Variants in C8orf34 observed in about 807,000 individuals in gnomAD.
C8orf34 encodes the protein uncharacterized protein C8orf34.
Under a neutral mutation model 68.3 loss-of-function variants are expected in C8orf34, and 65 were observed. That is an observed-to-expected ratio of 0.95 (90% confidence interval 0.78 to 1.17). The LOEUF (loss-of-function observed/expected upper bound fraction) is 1.17. Ranked by LOEUF, C8orf34 falls within the 50% of genes most tolerant of loss-of-function variation. C8orf34 has a pLI of 0.00. For synonymous variants in C8orf34, 244 were observed against 241.2 expected (o/e 1.01, Z -0.11); for missense variants, 664 against 655.4 (o/e 1.01, Z -0.14).
chr8:68,647,741 G>T (rs1001048984), intron 8 of C8orf34, among the ~76,000 whole-genome samples: 2 of 152,124 alleles, frequency 1.3e-5, no homozygotes, highest in Non-Finnish European at 2.9e-5. Flanking sequence ...AAGAAATAAA[G>T]AAAAATAGAA....
intron 7 of C8orf34, among the ~76,000 whole-genome samples, chr8:68,601,522 G>A (rs1276342994): frequency 6.6e-6 from 1 of 151,898 alleles, no homozygotes; most frequent in Non-Finnish European, 1.5e-5. Context: ...CATCCTGTAA[G>A]TTTTTAAAAA....
chr8:68,772,610 A>G (rs1337226574), intron 10 of C8orf34, among the ~76,000 whole-genome samples: 3 of 152,198 alleles, frequency 2.0e-5, no homozygotes, highest in Non-Finnish European at 4.4e-5. Flanking sequence ...AACTGCGGTT[A>G]TATTAAAAAC....
intron 7 of C8orf34, among the ~76,000 whole-genome samples, chr8:68,557,088 T>C (rs186031684): frequency 6.6e-4 from 101 of 152,320 alleles, no homozygotes; most frequent in African/African-American, 2.3e-3. Flanking sequence ...TTTTGGTATA[T>C]GAAAAGAACA....
intron 6 of C8orf34, among the ~76,000 whole-genome samples, chr8:68,524,451 C>A (rs745639127): frequency 3.9e-4 from 59 of 152,294 alleles, no homozygotes; most frequent in Middle Eastern, 6.8e-3. Flanking sequence ...TGGAAACTAG[C>A]AGACTAAGAC....
intron 5 of C8orf34, among the ~76,000 whole-genome samples, chr8:68,504,562 C>A (rs554825183): frequency 2.4e-4 from 37 of 152,236 alleles, no homozygotes; most frequent in African/African-American, 8.9e-4. Flanking sequence ...CTCTGTCACC[C>A]AGGCTGGAGT....
chr8:68,407,027 G>A (rs1050932866), intron 1 of C8orf34, among the ~76,000 whole-genome samples: 11 of 152,074 alleles, frequency 7.2e-5, no homozygotes, highest in Admixed American at 5.2e-4. Context: ...ACACGCATAC[G>A]ATCTGCCTCA....
At chr8:68,555,463 T>C (rs1318937199) in intron 7 of C8orf34, among the ~76,000 whole-genome samples, 1 of 152,256 alleles carries the variant, frequency 6.6e-6, no homozygotes, top group East Asian at 1.9e-4. Flanking sequence ...TTTTTTAACG[T>C]ACATGTCTTG....
intron 7 of C8orf34, among the ~76,000 whole-genome samples, chr8:68,576,314 T>C (rs2130310762): frequency 6.7e-6 from 1 of 148,650 alleles, no homozygotes; most frequent in Non-Finnish European, 1.5e-5. Flanking sequence ...TCAAATACTC[T>C]GTGGTAAGGA....
At chr8:68,799,026 T>A (rs1166943388) in intron 12 of C8orf34, among the ~76,000 whole-genome samples, 2 of 152,158 alleles carry the variant, frequency 1.3e-5, no homozygotes, top group East Asian at 3.9e-4. Flanking sequence ...ATAACAAGCA[T>A]CAGAGAAGGC....
intron 7 of C8orf34, among the ~76,000 whole-genome samples, chr8:68,621,854 T>C (rs1488174422): frequency 1.3e-5 from 2 of 152,218 alleles, no homozygotes; most frequent in Admixed American, 6.5e-5. Flanking sequence ...TATTTATAGC[T>C]GTGTAATAAA....
chr8:68,603,567 A>ATCTATCTATCTG (rs2130512922), intron 7 of C8orf34, among the ~76,000 whole-genome samples: 1 of 107,806 alleles, frequency 9.3e-6, no homozygotes, highest in South Asian at 2.6e-4. Context: ...CTATCTATCT[A>ATCTATCTATCTG]TCTATCTTTG....
intron 1 of C8orf34, among the ~76,000 whole-genome samples, chr8:68,425,172 C>A (rs1399493590): frequency 6.6e-6 from 1 of 152,104 alleles, no homozygotes; most frequent in Admixed American, 6.5e-5. Flanking sequence ...CTACAGCTAA[C>A]ATTATACTTA....
chr8:68,549,604 G>T (rs1289064044), intron 7 of C8orf34, among the ~76,000 whole-genome samples: 1 of 151,582 alleles, frequency 6.6e-6, no homozygotes, highest in East Asian at 1.9e-4. Flanking sequence ...TAAAAATCAT[G>T]TCTGCATAAT....
intron 7 of C8orf34, among the ~76,000 whole-genome samples, chr8:68,617,331 A>T (rs1358351967): frequency 6.6e-6 from 1 of 152,116 alleles, no homozygotes; most frequent in Non-Finnish European, 1.5e-5. Context: ...TGTCATTATG[A>T]TGTTAGCTGT....
chr8:68,422,338 C>T (rs1290308384), intron 1 of C8orf34, among the ~76,000 whole-genome samples: 1 of 152,150 alleles, frequency 6.6e-6, no homozygotes, highest in Non-Finnish European at 1.5e-5. Context: ...GTAAATACAC[C>T]CATTCCAAAT....
intron 1 of C8orf34, among the ~76,000 whole-genome samples, chr8:68,405,924 A>T (rs894446144): frequency 2.0e-5 from 3 of 152,242 alleles, no homozygotes; most frequent in Non-Finnish European, 4.4e-5. Context: ...ATGAAAAAGT[A>T]TCACAAAGCA....
intron 4 of C8orf34, among the ~76,000 whole-genome samples, chr8:68,473,964 CT>C (rs1812491096): frequency 6.6e-6 from 1 of 152,142 alleles, no homozygotes; most frequent in Admixed American, 6.5e-5. Context: ...TTTGGATGCC[CT>C]TTGCATCACT....
intron 7 of C8orf34, among the ~76,000 whole-genome samples, chr8:68,635,917 A>T (rs1563576565): frequency 6.6e-6 from 1 of 152,214 alleles, no homozygotes; most frequent in East Asian, 1.9e-4. Flanking sequence ...AGACTACACA[A>T]ATGAAAACAA....
chr8:68,411,799 T>G (rs1809456120), intron 1 of C8orf34, among the ~76,000 whole-genome samples: 1 of 152,220 alleles, frequency 6.6e-6, no homozygotes. Context: ...ACAGATTTTT[T>G]TCTATGCCTA....
Sources: gnomAD v4.1 joint callset for allele counts (sites outside exome capture counted in the v4.1 genomes callset) on GRCh38, gnomAD v4.1.1 for gene constraint, MANE v1.5 for transcripts, NCBI Gene and HGNC (gene_info 2026-07-23, HGNC 2026-07-21) for gene names.